Variants in MAPK10 observed in about 807,000 individuals in gnomAD.
MAPK10 encodes the protein mitogen-activated protein kinase 10.
Under a neutral mutation model 59.3 loss-of-function variants are expected in MAPK10, and 25 were observed. The observed-to-expected ratio is 0.42, with a 90% CI of 0.31 to 0.59. The LOEUF (loss-of-function observed/expected upper bound fraction) is 0.59. Among genes scored for constraint, MAPK10 ranks in the 20% least tolerant of loss-of-function variants. The pLI is 0.15. For missense variants in MAPK10, 351 were observed against 568.9 expected, an observed-to-expected ratio of 0.62 and a Z score of 3.90; for synonymous variants, 190 against 200.5, an observed-to-expected ratio of 0.95 and a Z score of 0.44.
At chr4:86,266,365 T>C (rs998763848) in intron 2 of MAPK10, among the ~76,000 whole-genome samples, 10 of 152,144 alleles carry the variant, frequency 6.6e-5, no homozygotes, top group African/African-American at 1.9e-4. Context: ...AATCAGTACT[T>C]CCTTTTCCTC....
intron 13 of MAPK10, among the ~76,000 whole-genome samples, chr4:86,018,540 G>A (rs554993943): frequency 6.6e-5 from 10 of 152,222 alleles, no homozygotes; most frequent in Non-Finnish European, 1.2e-4. Flanking sequence ...ACCTGCCCAT[G>A]GTAATCACTC....
intron 11 of MAPK10, among the ~76,000 whole-genome samples, chr4:86,035,684 G>A (rs1375556720): frequency 6.6e-6 from 1 of 152,160 alleles, no homozygotes; most frequent in Non-Finnish European, 1.5e-5. Context: ...TGTGATGGGA[G>A]AGAAGAATAT....
intron 1 of MAPK10, among the ~76,000 whole-genome samples, chr4:86,461,337 G>A (rs1171457951): frequency 1.3e-5 from 2 of 152,128 alleles, no homozygotes; most frequent in East Asian, 3.9e-4. Flanking sequence ...GAAGGCACAG[G>A]GTCTGGAGGG....
chr4:86,076,779 A>G (rs1161787330), intron 9 of MAPK10, among the ~76,000 whole-genome samples: 3 of 152,142 alleles, frequency 2.0e-5, no homozygotes, highest in Non-Finnish European at 2.9e-5. Context: ...AGATTTTATG[A>G]TTATGTATTA....
intron 1 of MAPK10, among the ~76,000 whole-genome samples, chr4:86,441,178 T>G (rs943860987): frequency 2.0e-5 from 3 of 152,240 alleles, no homozygotes; most frequent in Non-Finnish European, 4.4e-5. Context: ...TGTATTTTCA[T>G]GTGCATGTTT....
At chr4:86,229,040 A>C (rs1206533466) in intron 2 of MAPK10, among the ~76,000 whole-genome samples, 1 of 152,196 alleles carries the variant, frequency 6.6e-6, no homozygotes, top group East Asian at 1.9e-4. Context: ...CAAATACTTC[A>C]TATATTGAAA....
At chr4:86,521,831 C>T (rs1757132586) in intron 1 of MAPK10, among the ~76,000 whole-genome samples, 1 of 152,176 alleles carries the variant, frequency 6.6e-6, no homozygotes, top group Non-Finnish European at 1.5e-5. Flanking sequence ...CACCATCCCC[C>T]TACCACCACC....
At chr4:86,162,507 A>G (rs965873033) in intron 3 of MAPK10, among the ~76,000 whole-genome samples, 1 of 152,006 alleles carries the variant, frequency 6.6e-6, no homozygotes, top group African/African-American at 2.4e-5. Context: ...TAAGGTTGTG[A>G]TGGTCTTGGC....
At chr4:86,396,354 A>G (rs1040481466) in intron 1 of MAPK10, among the ~76,000 whole-genome samples, 5 of 152,192 alleles carry the variant, frequency 3.3e-5, no homozygotes, top group African/African-American at 1.2e-4. Flanking sequence ...CTCAAAAAAA[A>G]GAAAGAAAGT....
chr4:86,196,668 T>A (rs2081366825), intron 2 of MAPK10, among the ~76,000 whole-genome samples: 1 of 152,206 alleles, frequency 6.6e-6, no homozygotes, highest in South Asian at 2.1e-4. Context: ...GCCTAGGTTT[T>A]CTTCTAGAGT....
rs558584304 is a variant in MAPK10 at position 86,139,220 on chromosome 4, G to A, written c.236+20078C>T. Reference sequence around the variant, plus strand: ...ATGGAACCAAAAAAGAGCCCGCATCGCCAAGTCAATCCTAAGCCAAAAGAA... The same window carrying A: ...ATGGAACCAAAAAAGAGCCCGCATCACCAAGTCAATCCTAAGCCAAAAGAA... On this transcript the variant is annotated intron_variant, in intron 4 of 13. Coordinates refer to ENST00000641462, the MANE Select transcript of MAPK10 (RefSeq NM_138982.4). 1.6e-4 allele frequency among the ~76,000 whole-genome samples: 24 copies of A among 146,912 alleles called. No individual in the cohort carries two copies. The South Asian group carries it at 3.3e-3, about 20-fold the overall frequency.
chr4:86,219,785 AAT>A (rs2088970684), intron 2 of MAPK10: 1 of 152,150 alleles, frequency 6.6e-6, no homozygotes. Flanking sequence ...GTATAATATC[AAT>A]ATTCTTACAT....
chr4:86,592,453 A>T (rs1312897808), intron 1 of MAPK10, among the ~76,000 whole-genome samples: 1 of 152,216 alleles, frequency 6.6e-6, no homozygotes, highest in Non-Finnish European at 1.5e-5. Context: ...TACTTGCTAT[A>T]CCTTCTTTCT....
intron 11 of MAPK10, among the ~76,000 whole-genome samples, chr4:86,038,641 T>C (rs529853383): frequency 3.3e-4 from 50 of 152,160 alleles, no homozygotes; most frequent in Non-Finnish European, 5.7e-4. Flanking sequence ...ATGACTCTGA[T>C]GAAGCACAAA....
In MAPK10 at chr4:86,012,872, T is replaced by G. The variant is rs780624636; in HGVS notation, c.*4356A>C. On this transcript the variant is annotated 3_prime_UTR_variant, in exon 14 of 14. Transcript: ENST00000641462. ...GGTATGCATGTGTGTGTGCTTTAAGTCCATTTTATAAACACTGACACAAGA... is the reference window on the plus strand; with the variant it reads ...GGTATGCATGTGTGTGTGCTTTAAGGCCATTTTATAAACACTGACACAAGA... 2 of 152,178 alleles carry G rather than the reference T, an allele frequency of 1.3e-5. No individual in the cohort carries two copies. Among genetic ancestry groups the G allele is most frequent in the African/African-American group, 4.8e-5 (2 of 41,444 alleles). 9.4% of individuals were successfully genotyped at this position (152,178 alleles called of 1,614,324 possible).
At chr4:86,127,550 T>C (rs2060272097) in intron 4 of MAPK10, 1 of 152,022 alleles carries the variant, frequency 6.6e-6, no homozygotes, top group Admixed American at 6.6e-5. Context: ...GAAATCTCAT[T>C]TCCCCATAAC....
chr4:86,139,901 A>C (rs1424451985), intron 4 of MAPK10, among the ~76,000 whole-genome samples: 1 of 148,542 alleles, frequency 6.7e-6, no homozygotes, highest in Non-Finnish European at 1.5e-5. Context: ...TCAAAAGAAG[A>C]CATTTATGCA....
chr4:86,162,665 A>G (rs1300795497), intron 3 of MAPK10, among the ~76,000 whole-genome samples: 1 of 151,958 alleles, frequency 6.6e-6, no homozygotes, highest in African/African-American at 2.4e-5. Context: ...TCTGATTTTG[A>G]CAACTTTCAC....
chr4:86,527,312 CAAAA>C (rs57390422), intron 1 of MAPK10, among the ~76,000 whole-genome samples: 66 of 16,186 alleles, frequency 4.1e-3, no homozygotes, highest in Admixed American at 9.7e-3. Context: ...ACACTGTTGC[CAAAA>C]AAAAAAAAAA....
Sources: gnomAD v4.1 joint callset for allele counts (sites outside exome capture counted in the v4.1 genomes callset) on GRCh38, gnomAD v4.1.1 for gene constraint, MANE v1.5 for transcripts, NCBI Gene and HGNC (gene_info 2026-07-23, HGNC 2026-07-21) for gene names.